The following CACNA2D1 variants were observed in gnomAD, a reference collection of about 807,000 sequenced individuals.
CACNA2D1 encodes the protein voltage-dependent calcium channel subunit alpha-2/delta-1.
A neutral mutation model predicts 171.5 loss-of-function variants in CACNA2D1; 53 were observed. The ratio of observed to expected loss-of-function variants is 0.31; its 90% CI spans 0.25 to 0.39. The LOEUF (loss-of-function observed/expected upper bound fraction) is 0.39, where lower values mean the gene tolerates loss of function less well. Among genes scored for constraint, CACNA2D1 ranks in the 10% least tolerant of loss-of-function variants. The pLI is 1.00. For missense variants in CACNA2D1, 903 were observed against 1,299.8 expected (o/e 0.69, Z 4.69); for synonymous variants, 442 against 443.1 (o/e 1.00, Z 0.03).
intron 4 of CACNA2D1, among the ~76,000 whole-genome samples, chr7:82,157,124 T>C (rs1346522286): frequency 1.3e-5 from 2 of 152,118 alleles, no homozygotes; most frequent in African/African-American, 2.4e-5. Context: ...AGCAATGCTT[T>C]TGTAGCTAGA....
intron 18 of CACNA2D1, chr7:82,001,549 G>C (rs1162883982): frequency 3.1e-6 from 1 of 318,292 alleles, no homozygotes; most frequent in Non-Finnish European, 6.2e-6. Flanking sequence ...CTGGAAGCTT[G>C]ATGTCAGGAA....
chr7:82,111,388 ATATATGTATATATATAT>A, intron 6 of CACNA2D1, among the ~76,000 whole-genome samples: 1 of 132,162 alleles, frequency 7.6e-6, no homozygotes, highest in East Asian at 2.3e-4. Flanking sequence ...ATATATGTGT[ATATATGTATATATATAT>A]TCATATATGT....
intron 15 of CACNA2D1, among the ~76,000 whole-genome samples, chr7:82,009,724 A>G (rs2130904373): frequency 6.6e-6 from 1 of 152,200 alleles, no homozygotes; most frequent in South Asian, 2.1e-4. Context: ...GAATGAACTC[A>G]TTTGGGCCCA....
rs572777134 is a variant in CACNA2D1, at chr7:82,058,338, T to C, written c.879+2090A>G. The stretch of plus-strand genomic sequence containing the variant: ...AAGTCAGAATAAGACATTCACCACA[T>C]TGAATATCTGCTAGTTTTATATAAA... On this transcript the variant is annotated intron_variant, in intron 10 of 38. Transcript: ENST00000356860. 9.9e-5 allele frequency among the ~76,000 whole-genome samples: 15 copies of C among 152,208 alleles called. No individual in the cohort carries two copies. In the East Asian group the frequency reaches 2.1e-3, roughly 22 times the overall value.
intron 1 of CACNA2D1, among the ~76,000 whole-genome samples, chr7:82,386,923 T>C (rs181676498): frequency 6.6e-5 from 10 of 152,056 alleles, no homozygotes; most frequent in African/African-American, 2.2e-4. Context: ...ATTTAGCTTT[T>C]AACAATCAAG....
intron 7 of CACNA2D1, among the ~76,000 whole-genome samples, chr7:82,066,728 A>G (rs1221939132): frequency 6.6e-6 from 1 of 152,160 alleles, no homozygotes; most frequent in Non-Finnish European, 1.5e-5. Flanking sequence ...AATCAATGAT[A>G]GTCGATTCTC....
chr7:82,226,981 T>C (rs144157210), intron 3 of CACNA2D1, among the ~76,000 whole-genome samples: 1,853 of 152,292 alleles, frequency 0.012, 25 homozygotes, highest in Middle Eastern at 0.061. Context: ...GGACAAACAA[T>C]GATTTTATAT....
intron 1 of CACNA2D1, among the ~76,000 whole-genome samples, chr7:82,416,040 C>T (rs1828131945): frequency 6.6e-6 from 1 of 151,682 alleles, no homozygotes; most frequent in Admixed American, 6.6e-5. Context: ...CATGGTGAAA[C>T]CTCATCTCTA....
intron 3 of CACNA2D1, among the ~76,000 whole-genome samples, chr7:82,172,748 C>G (rs1436537478): frequency 3.4e-5 from 5 of 146,818 alleles, no homozygotes; most frequent in Admixed American, 6.9e-5. Flanking sequence ...AAAGACATGC[C>G]CTTGACAAAA....
intron 3 of CACNA2D1, among the ~76,000 whole-genome samples, chr7:82,238,959 T>A (rs1803929788): frequency 1.3e-5 from 2 of 152,224 alleles, no homozygotes; most frequent in South Asian, 4.1e-4. Context: ...CAACAATCTT[T>A]ATTGAATGAA....
intron 3 of CACNA2D1, among the ~76,000 whole-genome samples, chr7:82,308,255 C>T (rs997692227): frequency 2.0e-5 from 3 of 152,242 alleles, no homozygotes; most frequent in Admixed American, 1.3e-4. Context: ...CCCTTCAAAC[C>T]CATATTTCTT....
intron 15 of CACNA2D1, among the ~76,000 whole-genome samples, chr7:82,011,586 C>T (rs562897020): frequency 3.3e-5 from 5 of 152,230 alleles, no homozygotes; most frequent in African/African-American, 1.2e-4. Flanking sequence ...GCCTCAATGA[C>T]GTATTTCCAT....
At chr7:82,235,437 C>T (rs1803468419) in intron 3 of CACNA2D1, among the ~76,000 whole-genome samples, 1 of 152,124 alleles carries the variant, frequency 6.6e-6, no homozygotes, top group Non-Finnish European at 1.5e-5. Context: ...GGGCAGGCTG[C>T]TTCTAAAGCA....
intron 3 of CACNA2D1, among the ~76,000 whole-genome samples, chr7:82,214,680 T>C (rs1284380938): frequency 6.6e-6 from 1 of 152,182 alleles, no homozygotes; most frequent in Non-Finnish European, 1.5e-5. Flanking sequence ...AAAAGCATTG[T>C]AAATGACTGC....
At chr7:82,313,139 T>C (rs1814682206) in intron 3 of CACNA2D1, among the ~76,000 whole-genome samples, 1 of 152,148 alleles carries the variant, frequency 6.6e-6, no homozygotes, top group African/African-American at 2.4e-5. Context: ...GGTTTTCCAA[T>C]CTACCTATTT....
chr7:82,412,938 A>C (rs1227715264), intron 1 of CACNA2D1, among the ~76,000 whole-genome samples: 1 of 152,130 alleles, frequency 6.6e-6, no homozygotes, highest in African/African-American at 2.4e-5. Flanking sequence ...AAAAGGAGAA[A>C]GCTCTAAAGT....
chr7:82,295,254 C>T (rs1436764726), intron 3 of CACNA2D1, among the ~76,000 whole-genome samples: 4 of 139,696 alleles, frequency 2.9e-5, no homozygotes, highest in African/African-American at 1.3e-4. Context: ...TTCAGTTAGA[C>T]AGGTGGAATA....
intron 26 of CACNA2D1, among the ~76,000 whole-genome samples, chr7:81,971,374 T>C (rs1398088033): frequency 6.6e-6 from 1 of 151,624 alleles, no homozygotes; most frequent in Non-Finnish European, 1.5e-5. Flanking sequence ...AGGAGAAATA[T>C]TTAGCATTTA....
chr7:82,400,634 C>T (rs1826283137), intron 1 of CACNA2D1, among the ~76,000 whole-genome samples: 1 of 152,158 alleles, frequency 6.6e-6, no homozygotes, highest in South Asian at 2.1e-4. Context: ...CCATTCAGGA[C>T]ACAGGCATGG....
Sources: allele counts gnomAD v4.1 joint callset (sites outside exome capture counted in the v4.1 genomes callset), GRCh38; gene constraint gnomAD v4.1.1; transcripts MANE v1.5; gene names NCBI Gene and HGNC (gene_info 2026-07-23, HGNC 2026-07-21).